CALN1: variants seen among roughly 807,000 people sequenced by gnomAD.
The protein encoded by CALN1 is calcium-binding protein 8.
CALN1 carries 17 observed loss-of-function variants against 30.6 expected under a neutral mutation model. That is an observed-to-expected ratio of 0.56 (90% CI 0.38 to 0.83). The LOEUF is 0.83. CALN1 is among the 40% of genes least tolerant of loss of function. The probability of loss-of-function intolerance (pLI) is 0.00; values close to 1 mark genes in which losing one functional copy is unlikely to be tolerated. For missense variants in CALN1, 291 were observed against 354.9 expected, an observed-to-expected ratio of 0.82 and a Z score of 1.45; for synonymous variants, 156 against 131.4, an observed-to-expected ratio of 1.19 and a Z score of -1.28.
intron 5 of CALN1, among the ~76,000 whole-genome samples, chr7:71,917,282 G>A (rs1794728462): frequency 6.6e-6 from 1 of 152,188 alleles, no homozygotes; most frequent in South Asian, 2.1e-4. Context: ...TAGAAATGGG[G>A]AGACAGATGT....
intron 5 of CALN1, among the ~76,000 whole-genome samples, chr7:71,910,017 G>C (rs939514206): frequency 6.6e-6 from 1 of 152,190 alleles, no homozygotes; most frequent in Non-Finnish European, 1.5e-5. Flanking sequence ...GCAGGCAAGA[G>C]AGCTTTGCAA....
intron 5 of CALN1, among the ~76,000 whole-genome samples, chr7:71,918,420 C>G (rs1320700156): frequency 6.6e-6 from 1 of 152,196 alleles, no homozygotes; most frequent in African/African-American, 2.4e-5. Context: ...TGGGCCTCAA[C>G]TTATTCCAAC....
intron 4 of CALN1, among the ~76,000 whole-genome samples, chr7:72,054,438 T>TATATATACATATATACAC (rs71092943): frequency 0.42 from 20,524 of 48,828 alleles, 3,595 homozygotes; most frequent in East Asian, 0.69. Flanking sequence ...TACACGTATA[T>TATATATACATATATACAC]ATATATATAC....
intron 2 of CALN1, among the ~76,000 whole-genome samples, chr7:72,280,613 T>G (rs1163371051): frequency 6.6e-6 from 1 of 152,200 alleles, no homozygotes; most frequent in African/African-American, 2.4e-5. Flanking sequence ...TACTCTATCT[T>G]TTCCTTAAGG....
At chr7:72,307,167 T>A (rs1261082821) in intron 2 of CALN1, among the ~76,000 whole-genome samples, 9 of 152,162 alleles carry the variant, frequency 5.9e-5, no homozygotes, top group Non-Finnish European at 1.2e-4. Context: ...TTTTAAGAGA[T>A]TCAAGCAGAA....
intron 4 of CALN1, among the ~76,000 whole-genome samples, chr7:72,062,381 G>A (rs59243332): frequency 0.014 from 2,110 of 151,882 alleles, 41 homozygotes; most frequent in African/African-American, 0.046. Context: ...ATGTGGTGGT[G>A]TATGCCTGTA....
chr7:72,252,884 C>G (rs1460378898), intron 3 of CALN1, among the ~76,000 whole-genome samples: 1 of 152,206 alleles, frequency 6.6e-6, no homozygotes, highest in Non-Finnish European at 1.5e-5. Flanking sequence ...GACCTTAAAA[C>G]TGTGCTTCAA....
At chr7:71,906,700 C>A (rs1794156233) in intron 5 of CALN1, among the ~76,000 whole-genome samples, 1 of 152,062 alleles carries the variant, frequency 6.6e-6, no homozygotes, top group Non-Finnish European at 1.5e-5. Flanking sequence ...AGCAAATGAG[C>A]AAACTTCAAA....
At chr7:71,857,026 G>GTGTGTGTATGTA (rs1554357121) in intron 5 of CALN1, among the ~76,000 whole-genome samples, 1 of 147,624 alleles carries the variant, frequency 6.8e-6, no homozygotes, top group African/African-American at 2.6e-5. Flanking sequence ...ATGTGTGTGT[G>GTGTGTGTATGTA]TGTGTGTGTG....
Position 72,344,659 on chromosome 7 carries a change from T to A in CALN1, c.119+58592A>T, listed in dbSNP as rs183742657. On this transcript the variant is annotated intron_variant, in intron 2 of 6. Transcript: ENST00000395275. ...ATATATTTATATTTTTTTATTTATA[T>A]AAATATATATTTTATTTATGTATAT... 9.4e-3 allele frequency among the ~76,000 whole-genome samples: 1,375 copies of A among 146,906 alleles called. 12 individuals are homozygous for A. The highest frequency in any genetic ancestry group is 0.033 in the African/African-American group (1,325 of 40,768).
chr7:72,279,808 C>A (rs1257941762), intron 2 of CALN1, among the ~76,000 whole-genome samples: 6 of 152,210 alleles, frequency 3.9e-5, no homozygotes, highest in Non-Finnish European at 7.3e-5. Flanking sequence ...ACGCCGAATG[C>A]TTCACATTCT....
At chr7:72,213,402 G>A (rs1792550590) in intron 3 of CALN1, among the ~76,000 whole-genome samples, 1 of 152,176 alleles carries the variant, frequency 6.6e-6, no homozygotes, top group Non-Finnish European at 1.5e-5. Flanking sequence ...CACATCTACA[G>A]AAGCAGAAAA....
chr7:72,397,947 C>CCTAG (rs1806089277), intron 2 of CALN1, among the ~76,000 whole-genome samples: 1 of 152,134 alleles, frequency 6.6e-6, no homozygotes, highest in East Asian at 1.9e-4. Context: ...GTACACTCTC[C>CCTAG]CCTAAGACAC....
chr7:72,480,996 A>G, the CALN1 span, among the ~76,000 whole-genome samples: 2 of 152,102 alleles, frequency 1.3e-5, no homozygotes, highest in Admixed American at 6.5e-5. Context: ...TCTGTTGCCC[A>G]GGCTGGAGTA....
At chr7:72,429,368 T>C (rs1022984434) in intron 1 of CALN1, among the ~76,000 whole-genome samples, 1 of 152,186 alleles carries the variant, frequency 6.6e-6, no homozygotes, top group African/African-American at 2.4e-5. Context: ...AGCAAATGGC[T>C]CGTCGAAAAT....
At chr7:72,106,637 A>G (rs1365120883) in intron 3 of CALN1, among the ~76,000 whole-genome samples, 1 of 142,712 alleles carries the variant, frequency 7.0e-6, no homozygotes, top group Non-Finnish European at 1.5e-5. Flanking sequence ...AGAAGAAAGG[A>G]AGGGAGGGAG....
chr7:72,055,104 G>A (rs967227378), intron 4 of CALN1, among the ~76,000 whole-genome samples: 1 of 152,160 alleles, frequency 6.6e-6, no homozygotes, highest in Non-Finnish European at 1.5e-5. Context: ...AGGCATCATA[G>A]TACATGAGTT....
chr7:72,469,763 A>C, the CALN1 span, among the ~76,000 whole-genome samples: 4 of 152,136 alleles, frequency 2.6e-5, no homozygotes, highest in Non-Finnish European at 5.9e-5. Flanking sequence ...CCAGTACCAC[A>C]CTGTTTCGAT....
intron 1 of CALN1, among the ~76,000 whole-genome samples, chr7:72,441,693 G>A (rs918506656): frequency 7.3e-5 from 11 of 151,420 alleles, no homozygotes; most frequent in African/African-American, 1.7e-4. Context: ...AGGGCGAATC[G>A]TCTTGAACAA....
Sources: gnomAD v4.1 joint callset for allele counts (sites outside exome capture counted in the v4.1 genomes callset) on GRCh38, gnomAD v4.1.1 for gene constraint, MANE v1.5 for transcripts, NCBI Gene and HGNC (gene_info 2026-07-23, HGNC 2026-07-21) for gene names.